CTNND2: variants seen among roughly 807,000 people sequenced by gnomAD.
The protein encoded by CTNND2 is catenin delta 2, also known as catenin delta-2.
CTNND2 carries 22 observed loss-of-function variants against 144.4 expected under a neutral mutation model. The observed-to-expected ratio is 0.15, with a 90% CI of 0.11 to 0.22. CTNND2 has a LOEUF of 0.22. Among genes scored for constraint, CTNND2 ranks in the 10% least tolerant of loss-of-function variants. CTNND2 has a pLI of 1.00. For synonymous variants in CTNND2, 751 were observed against 695.6 expected (o/e 1.08, Z -1.25); for missense variants, 1,353 against 1,618.8 (o/e 0.84, Z 2.82).
At chr5:11,589,855 TGTGA>T (rs1301338679) in intron 2 of CTNND2, among the ~76,000 whole-genome samples, 4 of 152,206 alleles carry the variant, frequency 2.6e-5, no homozygotes, top group Non-Finnish European at 5.9e-5. Context: ...ATTAGGTTGC[TGTGA>T]GTATTAACAA....
At chr5:11,320,012 T>C (rs1041211083) in intron 9 of CTNND2, among the ~76,000 whole-genome samples, 5 of 152,294 alleles carry the variant, frequency 3.3e-5, no homozygotes, top group African/African-American at 1.2e-4. Context: ...GGCACTGAGC[T>C]GAACTCTGAG....
chr5:11,740,421 CA>C (rs1443477333), intron 1 of CTNND2, among the ~76,000 whole-genome samples: 1 of 152,004 alleles, frequency 6.6e-6, no homozygotes, highest in Non-Finnish European at 1.5e-5. Context: ...ACAAACCTGA[CA>C]AAAACAAGAA....
At chr5:11,250,491 C>CTCTCTCTCTCTATATATA (rs869141186) in intron 9 of CTNND2, among the ~76,000 whole-genome samples, 109 of 64,074 alleles carry the variant, frequency 1.7e-3, no homozygotes, top group Non-Finnish European at 2.5e-3. Context: ...CTCTCTCTCT[C>CTCTCTCTCTCTATATATA]TATATATATA....
chr5:11,204,309 C>T (rs1016123632), intron 10 of CTNND2, among the ~76,000 whole-genome samples: 3 of 147,530 alleles, frequency 2.0e-5, no homozygotes, highest in Non-Finnish European at 3.0e-5. Context: ...TCCCAGTTTG[C>T]ACCAGGGGAG....
intron 16 of CTNND2, among the ~76,000 whole-genome samples, chr5:11,036,832 T>C (rs2149560598): frequency 6.6e-6 from 1 of 152,340 alleles, no homozygotes; most frequent in Admixed American, 6.5e-5. Context: ...TGTTCAGCAT[T>C]TCGTAGATTT....
intron 5 of CTNND2, among the ~76,000 whole-genome samples, chr5:11,410,514 G>T (rs1340214924): frequency 6.6e-6 from 1 of 152,008 alleles, no homozygotes; most frequent in African/African-American, 2.4e-5. Flanking sequence ...GTATTACCAG[G>T]ATAATACCTA....
chr5:11,869,936 T>C (rs1013869571), intron 1 of CTNND2, among the ~76,000 whole-genome samples: 5 of 152,106 alleles, frequency 3.3e-5, no homozygotes, highest in African/African-American at 1.2e-4. Flanking sequence ...ACAACCGTAA[T>C]TGGTAGCAGG....
intron 9 of CTNND2, among the ~76,000 whole-genome samples, chr5:11,331,285 A>G (rs1040424426): frequency 6.6e-6 from 1 of 152,156 alleles, no homozygotes; most frequent in Non-Finnish European, 1.5e-5. Context: ...GTTGGTTGAA[A>G]GCCTTCTGAT....
intron 2 of CTNND2, among the ~76,000 whole-genome samples, chr5:11,715,604 T>C (rs977702038): frequency 1.3e-5 from 2 of 152,178 alleles, no homozygotes; most frequent in Admixed American, 6.5e-5. Flanking sequence ...GGGAATTCAG[T>C]TCTAGGAGGC....
intron 16 of CTNND2, among the ~76,000 whole-genome samples, chr5:11,025,560 A>AT (rs967035021): frequency 2.0e-5 from 3 of 152,160 alleles, no homozygotes; most frequent in Non-Finnish European, 4.4e-5. Flanking sequence ...TACATTTAGG[A>AT]TTTTTTCTTG....
chr5:11,216,751 G>C (rs186976308), intron 10 of CTNND2, among the ~76,000 whole-genome samples: 8 of 152,364 alleles, frequency 5.3e-5, no homozygotes, highest in Admixed American at 5.2e-4. Flanking sequence ...AAAGTTATGT[G>C]CTCATGAGGA....
At chr5:11,294,726 A>G (rs942593233) in intron 9 of CTNND2, among the ~76,000 whole-genome samples, 4 of 152,226 alleles carry the variant, frequency 2.6e-5, no homozygotes, top group Non-Finnish European at 4.4e-5. Context: ...AACCAGTGAC[A>G]AAAACCACAT....
intron 2 of CTNND2, among the ~76,000 whole-genome samples, chr5:11,704,308 AC>A (rs1424470377): frequency 6.6e-6 from 1 of 152,344 alleles, no homozygotes; most frequent in Non-Finnish European, 1.5e-5. Context: ...AATTAAGAAG[AC>A]TTCTCAGAAT....
At chr5:11,207,216 TCA>T (rs1738135547) in intron 10 of CTNND2, among the ~76,000 whole-genome samples, 1 of 151,858 alleles carries the variant, frequency 6.6e-6, no homozygotes, top group Non-Finnish European at 1.5e-5. Flanking sequence ...GAGGGGAACA[TCA>T]CACACTGGGG....
chr5:11,725,920 T>C (rs1422736390), intron 2 of CTNND2, among the ~76,000 whole-genome samples: 1 of 152,204 alleles, frequency 6.6e-6, no homozygotes, highest in African/African-American at 2.4e-5. Context: ...TCAACATTTT[T>C]CCCATGAGCT....
At chr5:11,377,390 T>C (rs1381012678) in intron 7 of CTNND2, among the ~76,000 whole-genome samples, 2 of 152,144 alleles carry the variant, frequency 1.3e-5, no homozygotes, top group Non-Finnish European at 2.9e-5. Flanking sequence ...TCATTCCCTA[T>C]TGTATTCCTG....
At chr5:11,828,324 G>C (rs913568827) in intron 1 of CTNND2, among the ~76,000 whole-genome samples, 1 of 152,070 alleles carries the variant, frequency 6.6e-6, no homozygotes, top group African/African-American at 2.4e-5. Flanking sequence ...GAGGTCAGGA[G>C]TTCGAGACCA....
intron 14 of CTNND2, among the ~76,000 whole-genome samples, chr5:11,100,153 A>C (rs754284363): frequency 6.6e-6 from 1 of 152,230 alleles, no homozygotes; most frequent in East Asian, 1.9e-4. Flanking sequence ...AAATAATTTC[A>C]AAAACTTCAT....
At chr5:11,413,343 G>A (rs61749760) in intron 3 of CTNND2, among the ~76,000 whole-genome samples, 2 of 152,244 alleles carry the variant, frequency 1.3e-5, no homozygotes, top group Non-Finnish European at 2.9e-5. Flanking sequence ...GGTTCACTTA[G>A]TAAGTGGAAT....
Sources: gnomAD v4.1 joint callset for allele counts (sites outside exome capture counted in the v4.1 genomes callset) on GRCh38, gnomAD v4.1.1 for gene constraint, MANE v1.5 for transcripts, NCBI Gene and HGNC (gene_info 2026-07-23, HGNC 2026-07-21) for gene names.